CRYL1: variants seen among roughly 807,000 people sequenced by gnomAD.
The protein encoded by CRYL1 is crystallin lambda 1, also known as lambda-crystallin homolog.
In CRYL1, 29 loss-of-function variants were observed where a neutral mutation model predicts 36.6. That is an observed-to-expected ratio of 0.79 (90% CI 0.59 to 1.08). The LOEUF (loss-of-function observed/expected upper bound fraction) is 1.08. Ranked by LOEUF, CRYL1 falls within the 50% of genes least tolerant of loss-of-function variation. The pLI is 0.00. For missense variants in CRYL1, 411 were observed against 407.9 expected (o/e 1.01, Z -0.06); for synonymous variants, 152 against 151.5 (o/e 1.00, Z -0.02).
Position 20,421,011 on chromosome 13 carries a change from G to T in CRYL1, c.634-7624C>A, listed in dbSNP as rs146131090. On this transcript the variant is annotated intron_variant, in intron 5 of 7. Coordinates refer to ENST00000298248, the MANE Select transcript of CRYL1 (RefSeq NM_015974.3). ...GCCTCCCAAAATCCTGGGATTACAG[G>T]CGTGAGCCACTGCGCCCAGCCTAAA... Among the ~76,000 whole-genome samples, 3 of 151,996 alleles carry T rather than the reference G, an allele frequency of 2.0e-5. No homozygotes were observed. The East Asian group carries it at 5.8e-4, about 29-fold the overall frequency.
chr13:20,458,618 T>C (rs1200644650), intron 3 of CRYL1, among the ~76,000 whole-genome samples: 4 of 152,236 alleles, frequency 2.6e-5, no homozygotes, highest in Non-Finnish European at 5.9e-5. Flanking sequence ...TATTGAGATA[T>C]TTTATACGCT....
chr13:20,403,951 A>G lies in CRYL1; in HGVS notation c.*178T>C, dbSNP rs1176926996. The G allele has an allele frequency of 2.1e-6, 1 of 477,096 alleles. No homozygotes were observed. The highest frequency in any genetic ancestry group is 3.7e-6 in the Non-Finnish European group (1 of 269,266). The allele number at this position is 477,096 out of a possible 1,614,324, so 29.6% of individuals were successfully genotyped here. A position where few individuals can be genotyped will look rare whatever the true frequency, so the allele number is the denominator to read the frequency against. ...CTGCTGTGCCGCCAGGCCCAGGGCTATGATCCAAAGTGACGGGCAGACTAC... is the reference window on the plus strand; with the variant it reads ...CTGCTGTGCCGCCAGGCCCAGGGCTGTGATCCAAAGTGACGGGCAGACTAC... On this transcript the variant is annotated 3_prime_UTR_variant, in exon 8 of 8. Transcript: ENST00000298248.
intron 2 of CRYL1, among the ~76,000 whole-genome samples, chr13:20,506,715 T>G (rs1381598106): frequency 2.6e-5 from 4 of 151,988 alleles, no homozygotes; most frequent in African/African-American, 7.3e-5. Context: ...TAATTACAAG[T>G]GGGTTGGAAT....
In CRYL1 at chr13:20,490,597, C is replaced by T. The variant is rs181944584; in HGVS notation, c.150-1101G>A. On this transcript the variant is annotated intron_variant, in intron 2 of 7. Transcript: ENST00000298248. ...ATTAAGGGAAATTTTATTACATACACTTTACCACAACTTAAAATCTTAATT... is the reference window on the plus strand; with the variant it reads ...ATTAAGGGAAATTTTATTACATACATTTTACCACAACTTAAAATCTTAATT... Among the ~76,000 whole-genome samples, 57 of 151,528 alleles carry T rather than the reference C, an allele frequency of 3.8e-4. 1 individual carries two copies. The highest frequency in any genetic ancestry group is 1.0e-3 in the South Asian group (5 of 4,788).
intron 6 of CRYL1, among the ~76,000 whole-genome samples, chr13:20,410,080 A>T (rs1289206360): frequency 6.6e-6 from 1 of 151,992 alleles, no homozygotes; most frequent in Admixed American, 6.6e-5. Context: ...AGATACATGC[A>T]CACGTATGTT....
intron 6 of CRYL1, among the ~76,000 whole-genome samples, chr13:20,412,276 G>C (rs561610353): frequency 2.0e-5 from 3 of 151,956 alleles, no homozygotes; most frequent in African/African-American, 4.8e-5. Flanking sequence ...CATACAGACC[G>C]AGAGACATAC....
chr13:20,471,028 G>T (rs2137445722), intron 3 of CRYL1, among the ~76,000 whole-genome samples: 1 of 151,154 alleles, frequency 6.6e-6, no homozygotes, highest in East Asian at 1.9e-4. Flanking sequence ...AAAGTATTCT[G>T]AACAAAATTA....
chr13:20,499,415 G>A lies in CRYL1; in HGVS notation c.150-9919C>T, dbSNP rs1044109769. Among the ~76,000 whole-genome samples, 9 of 151,212 alleles carry A rather than the reference G, an allele frequency of 6.0e-5. No individual in the cohort carries two copies. In the South Asian group the frequency reaches 6.2e-4, roughly 10 times the overall value. On this transcript the variant is annotated intron_variant, in intron 2 of 7. Transcript: ENST00000298248. ...TTTAATCCCAGCACTTTGGGAGGTC[G>A]AGGCGGGTGGATCGTGAGGTCAGGA...
chr13:20,473,544 C>A (rs187891385), intron 3 of CRYL1, among the ~76,000 whole-genome samples: 5 of 152,250 alleles, frequency 3.3e-5, no homozygotes, highest in Admixed American at 3.3e-4. Context: ...CCAAGGATGG[C>A]GCTCCAAAGT....
intron 3 of CRYL1, among the ~76,000 whole-genome samples, chr13:20,473,533 G>A (rs1008467465): frequency 1.1e-4 from 16 of 152,240 alleles, no homozygotes; most frequent in African/African-American, 1.2e-4. Context: ...GTGGGCGGGC[G>A]CCAAGGATGG....
chr13:20,513,674 C>T (rs1201113521), intron 1 of CRYL1: 1 of 152,158 alleles, frequency 6.6e-6, no homozygotes, highest in African/African-American at 2.4e-5. Flanking sequence ...ACTGCTGTTT[C>T]AGACTTCCTG....
chr13:20,511,327 A>G (rs2137508513), intron 2 of CRYL1, among the ~76,000 whole-genome samples: 1 of 152,072 alleles, frequency 6.6e-6, no homozygotes, highest in Non-Finnish European at 1.5e-5. Flanking sequence ...CCTGGCCTCA[A>G]ATGATCCTCC....
At position 20,451,522 on chromosome 13, in the gene CRYL1, C is replaced by T. The variant is rs1191327163; in HGVS notation, c.277-11768G>A. ...TCTCAAAAGACATACAAATAGCCAACAAACATGAAAAAATGCTCACATCAC... is the reference window on the plus strand; with the variant it reads ...TCTCAAAAGACATACAAATAGCCAATAAACATGAAAAAATGCTCACATCAC... On this transcript the variant is annotated intron_variant, in intron 3 of 7. Transcript: ENST00000298248. 2.0e-5 allele frequency among the ~76,000 whole-genome samples: 3 copies of T among 151,994 alleles called. No individual in the cohort carries two copies. In the East Asian group the frequency reaches 5.8e-4, roughly 29 times the overall value.
intron 1 of CRYL1, among the ~76,000 whole-genome samples, chr13:20,516,855 A>C (rs1235056705): frequency 2.0e-5 from 3 of 152,022 alleles, no homozygotes; most frequent in Admixed American, 2.0e-4. Flanking sequence ...GAGGATAATT[A>C]GAACCCAGAA....
intron 3 of CRYL1, among the ~76,000 whole-genome samples, chr13:20,479,229 T>G (rs1247392384): frequency 1.3e-5 from 2 of 152,214 alleles, no homozygotes; most frequent in African/African-American, 2.4e-5. Context: ...TGTTTTCAAG[T>G]AACACTTTAA....
chr13:20,440,704 C>T (rs935060884), intron 3 of CRYL1, among the ~76,000 whole-genome samples: 1 of 152,200 alleles, frequency 6.6e-6, no homozygotes, highest in East Asian at 1.9e-4. Flanking sequence ...TGAACAAACA[C>T]GTTACATCCA....
chr13:20,467,737 C>G (rs1325153239), intron 3 of CRYL1, among the ~76,000 whole-genome samples: 1 of 152,192 alleles, frequency 6.6e-6, no homozygotes, highest in East Asian at 1.9e-4. Flanking sequence ...AGTGGAATCG[C>G]TTGAACCCGG....
intron 2 of CRYL1, among the ~76,000 whole-genome samples, chr13:20,494,004 G>A (rs2033561978): frequency 6.6e-6 from 1 of 152,188 alleles, no homozygotes; most frequent in South Asian, 2.1e-4. Flanking sequence ...AGAGTACCCT[G>A]TCCTTTATAG....
At chr13:20,512,386 C>A in intron 2 of CRYL1, 57 bp downstream of exon 2, 2 of 1,234,074 alleles carry the variant, frequency 1.6e-6, no homozygotes, top group South Asian at 2.5e-5. Context: ...ACAAACAAGA[C>A]CAACTGAGAG....
Sources: allele counts gnomAD v4.1 joint callset (sites outside exome capture counted in the v4.1 genomes callset), GRCh38; gene constraint gnomAD v4.1.1; transcripts MANE v1.5; gene names NCBI Gene and HGNC (gene_info 2026-07-23, HGNC 2026-07-21).